GATA6: variants seen among roughly 807,000 people sequenced by gnomAD.
The protein encoded by GATA6 is transcription factor GATA-6.
GATA6 carries 11 observed loss-of-function variants against 48.1 expected under a neutral mutation model. The observed-to-expected ratio is 0.23, with a 90% CI of 0.14 to 0.38. GATA6 has a LOEUF of 0.38. GATA6 is among the 10% of genes least tolerant of loss of function. The pLI, the probability that GATA6 is intolerant of heterozygous loss-of-function variation, is 1.00. For missense variants in GATA6, 795 were observed against 850.3 expected (o/e 0.93, Z 0.81); for synonymous variants, 419 against 396.1 (o/e 1.06, Z -0.69).
At chr18:22,182,725 T>G in intron 4 of GATA6, 32 bp from the exon 5 acceptor site, 10 of 1,472,390 alleles carry the variant, frequency 6.8e-6, no homozygotes, top group Non-Finnish European at 8.5e-6. Context: ...CAATATAATA[T>G]TAAATTTATG....
chr18:22,200,796 T>C lies in GATA6; in HGVS notation c.1761T>C (p.Asp587=). 19 of 1,612,626 alleles carry C rather than the reference T, an allele frequency of 1.2e-5. No individual in the cohort carries two copies. Among genetic ancestry groups the C allele is most frequent in the Non-Finnish European group, 1.3e-5 (15 of 1,179,896 alleles). The part of the protein sequence containing the change: ...PAEVTSSVRP[D]SWCALALA ...AAGTCACGTCCTCCGTGCGACCGGATTCCTGGTGCGCCCTGGCCCTGGCCT... is the reference window on the plus strand; with the variant it reads ...AAGTCACGTCCTCCGTGCGACCGGACTCCTGGTGCGCCCTGGCCCTGGCCT... The change falls in exon 7 of 7, where the codon GAT becomes GAC. Residue 587 remains aspartate (D), a synonymous_variant. Coordinates refer to ENST00000269216, the MANE Select transcript of GATA6 (RefSeq NM_005257.6).
rs2033055125 is a variant in GATA6 at position 22,171,866 on chromosome 18, C to CGGCTGGCGGCGG, written c.726_737dup (p.Gly243_Ala246dup). 1.7e-6 allele frequency: 2 copies of CGGCTGGCGGCGG among 1,167,778 alleles called. No individual in the cohort carries two copies. Among genetic ancestry groups the CGGCTGGCGGCGG allele is most frequent in the Non-Finnish European group, 2.1e-6 (2 of 947,700 alleles). 72.3% of individuals were successfully genotyped at this position (1,167,778 alleles called of 1,614,324 possible). ...CCTCCATACGGCAGCGGAGGCGGCG[C>CGGCTGGCGGCGG]GGCTGGCGGCGGGGCCGCGGGGCCT... On this transcript the variant is annotated inframe_insertion, in exon 2 of 7. Coordinates refer to ENST00000269216, the MANE Select transcript of GATA6 (RefSeq NM_005257.6). The surrounding 1 kb of genome is among the most constrained non-coding windows in gnomAD (Gnocchi z 7.1).
chr18:22,200,883 C>T lies in GATA6; in HGVS notation c.*60C>T, dbSNP rs1256634518. On this transcript the variant is annotated 3_prime_UTR_variant, in exon 7 of 7. Coordinates refer to ENST00000269216, the MANE Select transcript of GATA6 (RefSeq NM_005257.6). ...GCGGGCCTCACTCCACTCGTGTCTGCTTTTGTGCAGCGGTCCAGACAGTGG... is the reference window on the plus strand; with the variant it reads ...GCGGGCCTCACTCCACTCGTGTCTGTTTTTGTGCAGCGGTCCAGACAGTGG... 1.2e-5 allele frequency: 19 copies of T among 1,541,290 alleles called. No individual in the cohort carries two copies. The highest frequency in any genetic ancestry group is 1.6e-5 in the Non-Finnish European group (18 of 1,136,048).
chr18:22,196,455 G>A (rs1598742227), intron 6 of GATA6, among the ~76,000 whole-genome samples: 1 of 152,172 alleles, frequency 6.6e-6, no homozygotes, highest in Non-Finnish European at 1.5e-5. Flanking sequence ...AAGAGTCAGT[G>A]AGTCACCAGG....
At chr18:22,196,269 T>G (rs1031336447) in intron 6 of GATA6, among the ~76,000 whole-genome samples, 1 of 152,222 alleles carries the variant, frequency 6.6e-6, no homozygotes, top group Admixed American at 6.5e-5. Context: ...AGTGCATCAC[T>G]CATGGAATTT....
Position 22,172,604 on chromosome 18 carries a change from C to T in GATA6, c.1135+325C>T, listed in dbSNP as rs1258815821. Among the ~76,000 whole-genome samples, 1 of 152,148 alleles carries T rather than the reference C, an allele frequency of 6.6e-6. No homozygotes were observed. The highest frequency in any genetic ancestry group is 2.4e-5 in the African/African-American group (1 of 41,436). On this transcript the variant is annotated intron_variant, in intron 2 of 6. Coordinates refer to ENST00000269216, the MANE Select transcript of GATA6 (RefSeq NM_005257.6). The surrounding 1 kb of genome is among the most constrained non-coding windows in gnomAD (Gnocchi z 5.2). The stretch of plus-strand genomic sequence containing the variant: ...AATGGCATCTGCTATTGGGGAAAAA[C>T]GAGGCTGGGAGGGAACTAACAGCGC...
At chr18:22,187,291 A>T (rs2033274876) in intron 6 of GATA6, among the ~76,000 whole-genome samples, 1 of 151,832 alleles carries the variant, frequency 6.6e-6, no homozygotes, top group South Asian at 2.1e-4. Context: ...GACCAGCCTG[A>T]CCAACATGGA....
At chr18:22,190,568 A>G (rs550956643) in intron 6 of GATA6, among the ~76,000 whole-genome samples, 3 of 152,174 alleles carry the variant, frequency 2.0e-5, no homozygotes, top group Non-Finnish European at 4.4e-5. Context: ...GGGTTAAAAA[A>G]TCATTAATCT....
Position 22,169,627 on chromosome 18 carries a change from C to G in GATA6, c.-93C>G, listed in dbSNP as rs1050504828. ...CCCGCTGGCGCCCTCGGCTTCTCTC[C>G]GCGCCTGGGAGCACCCTCCGCCGCG... On this transcript the variant is annotated 5_prime_UTR_variant, in exon 1 of 7. Transcript: ENST00000269216. The G allele has an allele frequency of 1.3e-5, 2 of 152,410 alleles. No homozygotes were observed. Among genetic ancestry groups the G allele is most frequent in the Admixed American group, 6.5e-5 (1 of 15,288 alleles). The allele number at this position is 152,410 out of a possible 1,614,324, so 9.4% of individuals were successfully genotyped here. A position where few individuals can be genotyped will look rare whatever the true frequency, so the allele number is the denominator to read the frequency against.
intron 6 of GATA6, among the ~76,000 whole-genome samples, chr18:22,200,264 C>A (rs2033443440): frequency 1.3e-5 from 2 of 152,190 alleles, no homozygotes; most frequent in Non-Finnish European, 2.9e-5. Context: ...GTGTGTGCAT[C>A]ATTAATGCCT....
Position 22,200,643 on chromosome 18 carries a change from C to T in GATA6, c.1621-13C>T. The T allele has an allele frequency of 1.9e-6, 3 of 1,614,274 alleles. No homozygotes were observed. The highest frequency in any genetic ancestry group is 2.5e-6 in the Non-Finnish European group (3 of 1,180,046). On this transcript the variant is annotated splice_polypyrimidine_tract_variant and intron_variant, in intron 6 of 6. Coordinates refer to ENST00000269216, the MANE Select transcript of GATA6 (RefSeq NM_005257.6). Reference sequence around the variant, plus strand: ...CCTTCTCGTCTCTCCTCTGTGTCCCCCTCTTCTGCCAGGCGGGTGCCCCGG... The same window carrying T: ...CCTTCTCGTCTCTCCTCTGTGTCCCTCTCTTCTGCCAGGCGGGTGCCCCGG...
chr18:22,196,868 C>G (rs2033396870), intron 6 of GATA6, among the ~76,000 whole-genome samples: 1 of 152,122 alleles, frequency 6.6e-6, no homozygotes, highest in African/African-American at 2.4e-5. Flanking sequence ...GGAGGTGGTT[C>G]TCTTTGAGCT....
intron 6 of GATA6, among the ~76,000 whole-genome samples, chr18:22,189,524 TTA>T (rs1402189373): frequency 6.6e-6 from 1 of 152,128 alleles, no homozygotes; most frequent in Non-Finnish European, 1.5e-5. Context: ...GGTCACAAAA[TTA>T]TAGTTCCTGT....
chr18:22,192,143 G>A (rs1013825514), intron 6 of GATA6, among the ~76,000 whole-genome samples: 10 of 152,228 alleles, frequency 6.6e-5, no homozygotes. Context: ...GATTCCAGCA[G>A]CCAGGCGCTA....
chr18:22,191,450 A>C (rs565365195), intron 6 of GATA6, among the ~76,000 whole-genome samples: 13 of 152,076 alleles, frequency 8.5e-5, no homozygotes, highest in African/African-American at 3.1e-4. Flanking sequence ...AATTTAAGAA[A>C]TCTGGCTTAG....
intron 6 of GATA6, among the ~76,000 whole-genome samples, chr18:22,197,031 T>C (rs2033398563): frequency 6.6e-6 from 1 of 151,974 alleles, no homozygotes. Flanking sequence ...ACATAATCTT[T>C]ACTGTTCTCA....
At position 22,170,302 on chromosome 18, in the gene GATA6, G is replaced by A. The variant is rs554592735; in HGVS notation, c.-38+620G>A. ...GAGATGACCGCGGGGTGGGCCGGGT[G>A]GCCCGGCCGGCGTGAGCGCGCACGC... On this transcript the variant is annotated intron_variant, in intron 1 of 6. Transcript: ENST00000269216. This position sits in a 1 kb window ranked among gnomAD's most constrained non-coding sequence, Gnocchi z 6.7. Among the ~76,000 whole-genome samples the A allele has an allele frequency of 9.2e-5, 14 of 152,330 alleles. 1 individual carries two copies. Among genetic ancestry groups the A allele is most frequent in the South Asian group, 6.2e-4 (3 of 4,832 alleles).
chr18:22,187,712 TA>T (rs2033279850), intron 6 of GATA6, among the ~76,000 whole-genome samples: 1 of 152,146 alleles, frequency 6.6e-6, no homozygotes, highest in African/African-American at 2.4e-5. Flanking sequence ...TCAAAATTTG[TA>T]AAACTGGAGG....
chr18:22,199,900 CAAAAAAAAAA>C lies in GATA6; in HGVS notation c.1621-742_1621-733del, dbSNP rs35638046. Among the ~76,000 whole-genome samples the C allele has an allele frequency of 1.6e-4, 11 of 68,358 alleles. No homozygotes were observed. The East Asian group carries it at 3.9e-3, about 24-fold the overall frequency. 44.8% of individuals were successfully genotyped at this position (68,358 alleles called of 152,430 possible). A position where few individuals can be genotyped will look rare whatever the true frequency, so the allele number is the denominator to read the frequency against. ...CCTGGGAGACAGTGAGACTCTGTTT[CAAAAAAAAAA>C]AAAAAAAAAAAAAGAAAGAAATCAT... On this transcript the variant is annotated intron_variant, in intron 6 of 6. Coordinates refer to ENST00000269216, the MANE Select transcript of GATA6 (RefSeq NM_005257.6).
Sources: allele counts gnomAD v4.1 joint callset (sites outside exome capture counted in the v4.1 genomes callset), GRCh38; gene constraint gnomAD v4.1.1; non-coding constraint Gnocchi (gnomAD v3.1); transcripts MANE v1.5; gene names NCBI Gene and HGNC (gene_info 2026-07-23, HGNC 2026-07-21).